The following FAM178B variants were observed in gnomAD, a reference collection of about 807,000 sequenced individuals.
FAM178B encodes the protein protein FAM178B.
In FAM178B, 82 loss-of-function variants were observed where a neutral mutation model predicts 91.7. The ratio of observed to expected loss-of-function variants is 0.89; its 90% CI spans 0.75 to 1.07. The LOEUF is 1.07. Ranked by LOEUF, FAM178B falls within the 50% of genes least tolerant of loss-of-function variation. The pLI is 0.00. For missense variants in FAM178B, 769 were observed against 846.7 expected, an observed-to-expected ratio of 0.91 and a Z score of 1.14; for synonymous variants, 368 against 359.4, an observed-to-expected ratio of 1.02 and a Z score of -0.27.
intron 14 of FAM178B, among the ~76,000 whole-genome samples, chr2:96,881,270 CAAAAAA>C (rs1168855038): frequency 1.6e-5 from 1 of 64,378 alleles, no homozygotes; most frequent in Non-Finnish European, 3.5e-5. Context: ...AAGCTGGTCT[CAAAAAA>C]AAAAAAAAAA....
At chr2:96,878,538 G>C in intron 14 of FAM178B, 45 bp from the exon 15 acceptor site, 1 of 1,588,004 alleles carries the variant, frequency 6.3e-7, no homozygotes, top group Non-Finnish European at 8.6e-7. Flanking sequence ...ACTCCACCCA[G>C]GGCAGCATGG....
chr2:96,982,048 C>G (rs1574331500), intron 1 of FAM178B, among the ~76,000 whole-genome samples: 1 of 151,832 alleles, frequency 6.6e-6, no homozygotes, highest in East Asian at 1.9e-4. Context: ...GCCTGGGTGA[C>G]AAAGTAAGAC....
chr2:96,932,011 GACTGTGC>G (rs1186601184), intron 8 of FAM178B, among the ~76,000 whole-genome samples: 35 of 152,182 alleles, frequency 2.3e-4, no homozygotes, highest in Non-Finnish European at 3.7e-4. Context: ...GCCTTCAGGG[GACTGTGC>G]ACGTATGTGC....
At chr2:96,907,163 T>C (rs1040758323) in intron 12 of FAM178B, among the ~76,000 whole-genome samples, 2 of 152,162 alleles carry the variant, frequency 1.3e-5, no homozygotes, top group African/African-American at 4.8e-5. Flanking sequence ...TGTCCCCGCC[T>C]GCCCACTGCC....
intron 12 of FAM178B, 125 bp downstream of exon 12, chr2:96,921,040 C>T: frequency 6.9e-6 from 5 of 720,182 alleles, no homozygotes; most frequent in Middle Eastern, 3.5e-4. Context: ...TTTAGTTCTC[C>T]CTCCTGGGGA....
chr2:96,887,333 T>G (rs1428620967), intron 14 of FAM178B, among the ~76,000 whole-genome samples: 2 of 152,168 alleles, frequency 1.3e-5, no homozygotes, highest in Admixed American at 6.5e-5. Flanking sequence ...CCTCTGAAAG[T>G]GCTGAAATTA....
At chr2:96,898,947 T>C (rs1290550461) in intron 13 of FAM178B, among the ~76,000 whole-genome samples, 3 of 151,992 alleles carry the variant, frequency 2.0e-5, no homozygotes, top group Non-Finnish European at 4.4e-5. Context: ...GCAAGCCCCG[T>C]GGAGGAGACA....
chr2:96,920,602 G>T (rs1374002796), intron 12 of FAM178B, among the ~76,000 whole-genome samples: 1 of 151,736 alleles, frequency 6.6e-6, no homozygotes, highest in East Asian at 1.9e-4. Context: ...TCTGTCTCAA[G>T]AAGAAGAAAA....
At chr2:96,930,210 C>CAA (rs60102987) in intron 8 of FAM178B, among the ~76,000 whole-genome samples, 623 of 39,508 alleles carry the variant, frequency 0.016, 91 homozygotes, top group African/African-American at 0.044. Context: ...TCCGTCTCTC[C>CAA]AAAAAAAAAA....
intron 8 of FAM178B, among the ~76,000 whole-genome samples, chr2:96,941,985 C>G (rs1004548954): frequency 2.0e-5 from 3 of 152,142 alleles, no homozygotes; most frequent in African/African-American, 7.2e-5. Context: ...AAACCAAATT[C>G]TACCACAAAA....
chr2:96,913,168 C>G (rs942765193), intron 12 of FAM178B, among the ~76,000 whole-genome samples: 17 of 152,166 alleles, frequency 1.1e-4, no homozygotes, highest in African/African-American at 4.1e-4. Context: ...GTGCAGTGGG[C>G]AGCAGGGAGG....
intron 1 of FAM178B, among the ~76,000 whole-genome samples, chr2:96,985,072 C>T (rs2082406240): frequency 6.6e-6 from 1 of 152,148 alleles, no homozygotes; most frequent in East Asian, 1.9e-4. Flanking sequence ...AAAAATGCAT[C>T]CCGGAATGGA....
At chr2:96,905,848 A>ATGTGTGTGTGTGTG (rs1559064276) in intron 12 of FAM178B, among the ~76,000 whole-genome samples, 3 of 26,506 alleles carry the variant, frequency 1.1e-4, no homozygotes, top group African/African-American at 5.3e-4. Context: ...ATATATATAT[A>ATGTGTGTGTGTGTG]TATATATATA....
intron 1 of FAM178B, chr2:96,978,021 G>GA: frequency 1.7e-5 from 7 of 403,592 alleles, no homozygotes; most frequent in Admixed American, 3.0e-5. Flanking sequence ...ATTGCTAACG[G>GA]AAAAAAAATG....
rs1431092811 is a variant in FAM178B at position 96,921,554 on chromosome 2, A to T, written c.1388T>A (p.Leu463His). 2 of 1,551,686 alleles carry T rather than the reference A, an allele frequency of 1.3e-6. No homozygotes were observed. Among genetic ancestry groups the T allele is most frequent in the South Asian group, 2.4e-5 (2 of 84,060 alleles). ...LLCRTSLDVG[L>H]RLLPKVDLQQ... is the part of the protein sequence containing the mutation. The stretch of plus-strand genomic sequence containing the variant: ...GAGGTCAACTTTGGGCAGCAGGCGG[A>T]GCCCCACGTCCAGGCTGGTGCGGCA... The change falls in exon 11 of 17, where the codon CTC (leucine) becomes CAC (histidine). Residue 463 changes from leucine to histidine, a missense_variant. Leu to His is a moderately conservative substitution (Grantham distance 99, BLOSUM62 -3). Coordinates refer to ENST00000490605, the MANE Select transcript of FAM178B (RefSeq NM_001122646.3).
chr2:96,880,305 CAGA>C (rs999266438), intron 14 of FAM178B, among the ~76,000 whole-genome samples: 17 of 152,148 alleles, frequency 1.1e-4, no homozygotes, highest in African/African-American at 2.4e-4. Context: ...GTTCCAGAAA[CAGA>C]AGCCACAGAC....
intron 13 of FAM178B, among the ~76,000 whole-genome samples, chr2:96,900,579 C>G (rs923963509): frequency 6.6e-6 from 1 of 152,102 alleles, no homozygotes; most frequent in Non-Finnish European, 1.5e-5. Flanking sequence ...GGGTGGCCAC[C>G]AGGAGTGACT....
chr2:96,924,454 C>T (rs569617899), intron 9 of FAM178B, among the ~76,000 whole-genome samples: 3 of 152,298 alleles, frequency 2.0e-5, no homozygotes, highest in South Asian at 4.2e-4. Context: ...TGGCTGAGCA[C>T]CAGATGATGT....
chr2:96,948,092 C>T (rs868253436), intron 7 of FAM178B, among the ~76,000 whole-genome samples, 190 bp from the exon 8 acceptor site: 1 of 152,232 alleles, frequency 6.6e-6, no homozygotes, highest in African/African-American at 2.4e-5. Flanking sequence ...AGTCAAACAA[C>T]TTTGCCAGAG....
Sources: allele counts gnomAD v4.1 joint callset (sites outside exome capture counted in the v4.1 genomes callset), GRCh38; gene constraint gnomAD v4.1.1; transcripts MANE v1.5; gene names NCBI Gene and HGNC (gene_info 2026-07-23, HGNC 2026-07-21).